The following CHD5 variants were observed in gnomAD, a reference collection of about 807,000 sequenced individuals.
CHD5 encodes the protein ATP-dependent chromatin remodeler CHD5.
A neutral mutation model predicts 230.3 loss-of-function variants in CHD5; 69 were observed. The observed-to-expected ratio is 0.30, with a 90% CI of 0.25 to 0.37. The LOEUF is 0.37. CHD5 is among the 10% of genes least tolerant of loss of function. The probability of loss-of-function intolerance (pLI) is 1.00; values close to 1 mark genes in which losing one functional copy is unlikely to be tolerated. For synonymous variants in CHD5, 1,064 were observed against 1,065.9 expected, an observed-to-expected ratio of 1.00 and a Z score of 0.03; for missense variants, 1,827 against 2,622.8, an observed-to-expected ratio of 0.70 and a Z score of 6.63.
In CHD5 at chr1:6,128,784, TC is replaced by T. The variant is rs1418399519; in HGVS notation, c.3619+53del. ...GACCCAAGCAAGCCCTGGATGGGTG[TC>T]TCAGCCGGGCCACCCCAGTCCCCTG... On this transcript the variant is annotated intron_variant, in intron 23 of 41. Transcript: ENST00000262450. This position sits in a 1 kb window ranked among gnomAD's most constrained non-coding sequence, Gnocchi z 7.8. The T allele has an allele frequency of 9.4e-6, 14 of 1,486,686 alleles. No individual in the cohort carries two copies. The highest frequency in any genetic ancestry group is 1.2e-5 in the Non-Finnish European group (13 of 1,072,034). The allele number at this position is 1,486,686 out of a possible 1,614,324, so 92.1% of individuals were successfully genotyped here.
chr1:6,160,452 G>GGCCCCAGCCAGAGAAGGAGA (rs1404239828), intron 2 of CHD5, among the ~76,000 whole-genome samples: 1 of 145,816 alleles, frequency 6.9e-6, no homozygotes, highest in Non-Finnish European at 1.5e-5. Context: ...GCCAGGGAAG[G>GGCCCCAGCCAGAGAAGGAGA]GCCCCAGCCA....
Position 6,144,090 on chromosome 1 carries a change from G to T in CHD5, c.1868C>A (p.Thr623Asn), listed in dbSNP as rs141495842. Residue 623 changes from threonine (T) to asparagine (N), a missense_variant, in exon 12 of 42, where the codon ACC (threonine) becomes AAC (asparagine). Physicochemically the swap from Thr to Asn is moderately conservative, Grantham distance 65. Transcript: ENST00000262450. ...KWKDLPYDQC[T>N]WEIDDIDIPY... ...GATGTCGATGTCATCGATCTCCCAG[G>T]TGCACTGGTCGTAGGGCAGGTCTTT... 5.5e-4 allele frequency: 885 copies of T among 1,614,202 alleles called. 4 individuals are homozygous for T. Among genetic ancestry groups the T allele is most frequent in the Non-Finnish European group, 6.1e-5 (72 of 1,180,030 alleles).
intron 38 of CHD5, among the ~76,000 whole-genome samples, chr1:6,107,045 T>G (rs1346840535): frequency 1.3e-5 from 1 of 76,102 alleles, no homozygotes; most frequent in Non-Finnish European, 2.6e-5. Context: ...GATGGAGGGA[T>G]GGAGGAATGA....
rs2100843846 is a variant in CHD5 at position 6,126,283 on chromosome 1, A to G, written c.4078+289T>C. Among the ~76,000 whole-genome samples the G allele has an allele frequency of 6.6e-6, 1 of 152,156 alleles. No individual in the cohort carries two copies. Among genetic ancestry groups the G allele is most frequent in the South Asian group, 2.1e-4 (1 of 4,824 alleles). On this transcript the variant is annotated intron_variant, in intron 26 of 41. Coordinates refer to ENST00000262450, the MANE Select transcript of CHD5 (RefSeq NM_015557.3). The surrounding 1 kb of genome is among the most constrained non-coding windows in gnomAD (Gnocchi z 5.7). ...GGGTCCTGCACAGGGATGCCCCAAC[A>G]GAATCCTGCCCCACCCTCCACCTCT...
At chr1:6,172,411 G>T (rs1325282487) in intron 1 of CHD5, among the ~76,000 whole-genome samples, 1 of 152,044 alleles carries the variant, frequency 6.6e-6, no homozygotes. Context: ...TGCAGGCCTC[G>T]ACCTCCTGGG....
intron 38 of CHD5, 133 bp from the exon 39 acceptor site, chr1:6,106,912 ATGGAGGGATGGAGGGG>A (rs1411939605): frequency 1.2e-5 from 1 of 83,484 alleles, no homozygotes; most frequent in East Asian, 4.5e-4. Context: ...GGATGGAAGG[ATGGAGGGATGGAGGGG>A]TGGAGGGGTG....
At chr1:6,144,980 G>C (rs866470802) in intron 11 of CHD5, among the ~76,000 whole-genome samples, 1 of 152,246 alleles carries the variant, frequency 6.6e-6, no homozygotes, top group Admixed American at 6.5e-5. Context: ...TTGGGGCAGA[G>C]AGAAAAACTA....
At position 6,106,475 on chromosome 1, in the gene CHD5, T is replaced by C; in HGVS notation, c.5777A>G (p.Asn1926Ser). Residue 1926 changes from asparagine (N) to serine (S), a missense_variant, in exon 40 of 42, where the codon AAC becomes AGC. Physicochemically the swap from Asn to Ser is conservative, Grantham distance 46 (BLOSUM62 1). Coordinates refer to ENST00000262450, the MANE Select transcript of CHD5 (RefSeq NM_015557.3). ...AGGGCCCCGGAAGTTGGGCCCAAAGTTGTTGCTGTACATCTGGGAGGAGCC... is the reference window on the plus strand; with the variant it reads ...AGGGCCCCGGAAGTTGGGCCCAAAGCTGTTGCTGTACATCTGGGAGGAGCC... ...AFGSSQMYSN[N>S]FGPNFRGPGP... 1 of 1,557,150 alleles carries C rather than the reference T, an allele frequency of 6.4e-7. No individual in the cohort carries two copies. The highest frequency in any genetic ancestry group is 8.7e-7 in the Non-Finnish European group (1 of 1,150,712).
intron 15 of CHD5, among the ~76,000 whole-genome samples, chr1:6,140,025 C>G (rs569320115): frequency 4.2e-4 from 64 of 152,312 alleles, no homozygotes; most frequent in African/African-American, 1.5e-3. Context: ...GAGGATCCAC[C>G]AGCCCCCAAG....
At chr1:6,171,841 C>T (rs1020140478) in intron 1 of CHD5, among the ~76,000 whole-genome samples, 2 of 152,246 alleles carry the variant, frequency 1.3e-5, no homozygotes, top group African/African-American at 4.8e-5. Context: ...ACTCCTTGTC[C>T]TGCCAGCTCC....
rs910544994 is a variant in CHD5 at position 6,170,943 on chromosome 1, C to T, written c.80-2666G>A. 3.9e-5 allele frequency among the ~76,000 whole-genome samples: 6 copies of T among 152,214 alleles called. No individual in the cohort carries two copies. The East Asian group carries it at 5.8e-4, about 15-fold the overall frequency. On this transcript the variant is annotated intron_variant, in intron 1 of 41. Coordinates refer to ENST00000262450, the MANE Select transcript of CHD5 (RefSeq NM_015557.3). Reference sequence around the variant, plus strand: ...ACCGGGCCTCCGCCTCCCCCGCCACCGCAGGAGACCGCCTGGGCAGAGCCA... The same window carrying T: ...ACCGGGCCTCCGCCTCCCCCGCCACTGCAGGAGACCGCCTGGGCAGAGCCA...
At chr1:6,150,017 ATGGATGG>A (rs1666977229) in intron 7 of CHD5, among the ~76,000 whole-genome samples, 1 of 150,670 alleles carries the variant, frequency 6.6e-6, no homozygotes, top group East Asian at 2.0e-4. Context: ...GGATGGATGG[ATGGATGG>A]ATGGATGGGC....
At chr1:6,117,802 T>C (rs116570093) in intron 33 of CHD5, among the ~76,000 whole-genome samples, 165 of 152,298 alleles carry the variant, frequency 1.1e-3, no homozygotes, top group African/African-American at 3.5e-3. Context: ...TATTGGCAAG[T>C]ATGTGAAGAA....
chr1:6,136,918 C>G (rs1014730566), intron 15 of CHD5, 53 bp from the exon 16 acceptor site: 2 of 1,538,982 alleles, frequency 1.3e-6, no homozygotes, highest in African/African-American at 2.7e-5. Context: ...GAGCGGATCA[C>G]AGTCCCAGGA....
Position 6,128,461 on chromosome 1 carries a change from C to CGGA in CHD5, c.3730+35_3730+37dup. ...TCCTCTGCAGGAGCAGCCACCTGGT[C>CGGA]GGAGGAGGAGCTGAGGCTGGGCTGG... On this transcript the variant is annotated intron_variant, in intron 24 of 41. Transcript: ENST00000262450. The surrounding 1 kb of genome is among the most constrained non-coding windows in gnomAD (Gnocchi z 7.8). 1 of 1,512,106 alleles carries CGGA rather than the reference C, an allele frequency of 6.6e-7. No individual in the cohort carries two copies. Among genetic ancestry groups the CGGA allele is most frequent in the Non-Finnish European group, 9.2e-7 (1 of 1,089,770 alleles). 93.7% of individuals were successfully genotyped at this position (1,512,106 alleles called of 1,614,324 possible).
rs777785518 is a variant in CHD5, at chr1:6,142,242, G to T, written c.2322C>A (p.Asp774Glu). ...WEREFEMWAP[D>E]FYVVTYTGDK... The stretch of plus-strand genomic sequence containing the variant: ...CCCCCGTGTAGGTGACCACGTAGAA[G>T]TCGGGCGCCCACATCTCAAACTCGC... Residue 774 changes from aspartate (D) to glutamate (E), a missense_variant, in exon 15 of 42, where the codon GAC becomes GAA. By Grantham distance (45) the Asp-to-Glu change is conservative (BLOSUM62 2). Around this residue, in one of 14 missense-constraint regions of CHD5, gnomAD observed 80 missense variants for 96.4 expected, o/e 0.83. Coordinates refer to ENST00000262450, the MANE Select transcript of CHD5 (RefSeq NM_015557.3). This position sits in a 1 kb window ranked among gnomAD's most constrained non-coding sequence, Gnocchi z 5.2. The T allele has an allele frequency of 1.2e-6, 2 of 1,614,160 alleles. No homozygotes were observed. The highest frequency in any genetic ancestry group is 8.5e-7 in the Non-Finnish European group (1 of 1,180,010).
At chr1:6,178,112 C>T (rs984163959) in intron 1 of CHD5, among the ~76,000 whole-genome samples, 1 of 152,138 alleles carries the variant, frequency 6.6e-6, no homozygotes, top group African/African-American at 2.4e-5. Flanking sequence ...GGACAGAATC[C>T]CCAGGCCAGA....
chr1:6,110,255 G>A, intron 37 of CHD5, 139 bp downstream of exon 37: 1 of 999,152 alleles, frequency 1.0e-6, no homozygotes, highest in East Asian at 2.4e-5. Context: ...TTAGTTGATG[G>A]ACATACTGCT....
In CHD5 at chr1:6,175,777, GT is replaced by G. The variant is rs1416712379; in HGVS notation, c.79+4167del. On this transcript the variant is annotated intron_variant, in intron 1 of 41. Coordinates refer to ENST00000262450, the MANE Select transcript of CHD5 (RefSeq NM_015557.3). ...GGTGAATGGTTACTTGGTTGGTTTTGTGGGTCGACGGGTAGATGTGGGAGAG... is the reference window on the plus strand; with the variant it reads ...GGTGAATGGTTACTTGGTTGGTTTTGGGGTCGACGGGTAGATGTGGGAGAG... Among the ~76,000 whole-genome samples the G allele has an allele frequency of 2.6e-5, 4 of 151,776 alleles. No individual in the cohort carries two copies. The East Asian group carries it at 7.8e-4, about 30-fold the overall frequency.
Sources: gnomAD v4.1 joint callset for allele counts (sites outside exome capture counted in the v4.1 genomes callset) on GRCh38, gnomAD v4.1.1 for gene constraint, gnomAD v4.1.1 regional missense constraint, Gnocchi (gnomAD v3.1) non-coding constraint, MANE v1.5 for transcripts, NCBI Gene and HGNC (gene_info 2026-07-23, HGNC 2026-07-21) for gene names.